KLHL1: variants seen among roughly 807,000 people sequenced by gnomAD.
KLHL1 encodes kelch like family member 1, also known as kelch-like protein 1.
KLHL1 carries 47 observed loss-of-function variants against 77.7 expected under a neutral mutation model. The ratio of observed to expected loss-of-function variants is 0.60; its 90% confidence interval spans 0.48 to 0.77. The LOEUF is 0.77. Ranked by LOEUF, KLHL1 falls within the 30% of genes least tolerant of loss-of-function variation. The pLI is 0.00. For missense variants in KLHL1, 925 were observed against 910.8 expected (o/e 1.02, Z -0.20); for synonymous variants, 360 against 325.2 (o/e 1.11, Z -1.15).
chr13:69,787,132 CTTT>C (rs1876596864), intron 7 of KLHL1, among the ~76,000 whole-genome samples: 2 of 152,118 alleles, frequency 1.3e-5, no homozygotes, highest in Non-Finnish European at 2.9e-5. Flanking sequence ...CTACCAGTGA[CTTT>C]CTTCACAGAA....
chr13:70,053,345 A>C (rs1473847451), intron 1 of KLHL1, among the ~76,000 whole-genome samples: 1 of 152,078 alleles, frequency 6.6e-6, no homozygotes, highest in East Asian at 1.9e-4. Flanking sequence ...TAGAGAGCAT[A>C]ATATGTGGCA....
rs201298175 is a variant in KLHL1 at position 69,814,850 on chromosome 13, A to C, written c.1415-17888T>G. On this transcript the variant is annotated intron_variant, in intron 6 of 10. Transcript: ENST00000377844. ...ACATGGTGAAACCCCGTCTCTACTA[A>C]AAATACAAAAATTAGCTGGGCGTGG... Among the ~76,000 whole-genome samples the C allele has an allele frequency of 4.3e-4, 66 of 152,122 alleles. No individual in the cohort carries two copies. In the East Asian group the frequency reaches 0.012, roughly 28 times the overall value.
At chr13:69,837,828 A>C (rs1879089433) in intron 6 of KLHL1, among the ~76,000 whole-genome samples, 1 of 151,320 alleles carries the variant, frequency 6.6e-6, no homozygotes, top group African/African-American at 2.4e-5. Context: ...TTCCTTCTTC[A>C]ATAATAGTAT....
In KLHL1 at chr13:69,871,937, A is replaced by G. The variant is rs181034530; in HGVS notation, c.1227+10346T>C. ...TTTTTAAGCCCTCCAAACTTTTCCA[A>G]TCTTTGCCCGTTACCCAGTGCCAAG... On this transcript the variant is annotated intron_variant, in intron 5 of 10. Transcript: ENST00000377844. 9.2e-5 allele frequency among the ~76,000 whole-genome samples: 14 copies of G among 152,022 alleles called. No homozygotes were observed. The East Asian group carries it at 2.5e-3, about 27-fold the overall frequency.
At chr13:70,066,892 C>T (rs1042626895) in intron 1 of KLHL1, among the ~76,000 whole-genome samples, 8 of 152,148 alleles carry the variant, frequency 5.3e-5, no homozygotes, top group Non-Finnish European at 1.2e-4. Context: ...AAATAATAAT[C>T]TATTTGCCTA....
chr13:70,060,243 T>C (rs1375796808), intron 1 of KLHL1, among the ~76,000 whole-genome samples: 6 of 152,152 alleles, frequency 3.9e-5, no homozygotes, highest in Admixed American at 3.9e-4. Flanking sequence ...AAAATGGTTT[T>C]TATCCAAAAT....
chr13:70,061,275 A>G (rs1486849749), intron 1 of KLHL1, among the ~76,000 whole-genome samples: 2 of 152,166 alleles, frequency 1.3e-5, no homozygotes, highest in Admixed American at 6.5e-5. Context: ...GTAGCTACAC[A>G]GGACTCACAA....
At chr13:69,738,197 C>T (rs1255695278) in intron 8 of KLHL1, among the ~76,000 whole-genome samples, 2 of 152,080 alleles carry the variant, frequency 1.3e-5, no homozygotes, top group Non-Finnish European at 2.9e-5. Context: ...AAAGCAACAA[C>T]GACAACATCA....
At chr13:69,867,389 A>G (rs7985162) in intron 5 of KLHL1, among the ~76,000 whole-genome samples, 49,718 of 151,860 alleles carry the variant, frequency 0.33, 8,647 homozygotes, top group African/African-American at 0.46. Flanking sequence ...CCCACAATCA[A>G]TATTTGTTTC....
intron 5 of KLHL1, among the ~76,000 whole-genome samples, chr13:69,853,844 C>T (rs181460379): frequency 1.2e-4 from 18 of 152,030 alleles, no homozygotes; most frequent in Admixed American, 1.1e-3. Context: ...GACATTACAT[C>T]TTCTTCAAAG....
chr13:69,974,052 G>T (rs1173438098), intron 2 of KLHL1, among the ~76,000 whole-genome samples: 3 of 151,874 alleles, frequency 2.0e-5, no homozygotes, highest in African/African-American at 7.3e-5. Context: ...ACAGCTTGTG[G>T]TCTCGTGCTA....
chr13:69,995,494 T>C (rs1289829774), intron 1 of KLHL1, among the ~76,000 whole-genome samples: 1 of 152,130 alleles, frequency 6.6e-6, no homozygotes, highest in Non-Finnish European at 1.5e-5. Context: ...TTAAATTAGT[T>C]CAGAAATTCA....
At position 69,701,764 on chromosome 13, in the gene KLHL1, G is replaced by A; in HGVS notation, c.2188-3C>T. ...CTCCCAATATTCAAGGAAGCCATCTGTTAAAAAAGATGAAACACAACTTAA... is the reference window on the plus strand; with the variant it reads ...CTCCCAATATTCAAGGAAGCCATCTATTAAAAAAGATGAAACACAACTTAA... On this transcript the variant is annotated splice_polypyrimidine_tract_variant and splice_region_variant and intron_variant, in intron 10 of 10. Coordinates refer to ENST00000377844, the MANE Select transcript of KLHL1 (RefSeq NM_020866.3). 2 of 1,600,914 alleles carry A rather than the reference G, an allele frequency of 1.2e-6. No homozygotes were observed. The highest frequency in any genetic ancestry group is 1.7e-6 in the Non-Finnish European group (2 of 1,172,032).
chr13:69,895,443 C>T (rs905544612), intron 4 of KLHL1, among the ~76,000 whole-genome samples: 9 of 152,122 alleles, frequency 5.9e-5, no homozygotes, highest in Admixed American at 2.0e-4. Context: ...TTAACAGAGC[C>T]ATTAAATAAC....
rs1479320013 is a variant in KLHL1, at chr13:69,724,389, T to C, written c.1803-4808A>G. Among the ~76,000 whole-genome samples, 4 of 152,126 alleles carry C rather than the reference T, an allele frequency of 2.6e-5. No homozygotes were observed. The East Asian group carries it at 7.7e-4, about 29-fold the overall frequency. On this transcript the variant is annotated intron_variant, in intron 8 of 10. Transcript: ENST00000377844. ...CTTTCTAAATTGACTGACACCTGTC[T>C]AAGAAATTTTGGGTTCACATCAGAA...
At chr13:70,028,995 T>C (rs1272714427) in intron 1 of KLHL1, among the ~76,000 whole-genome samples, 1 of 132,392 alleles carries the variant, frequency 7.6e-6, no homozygotes, top group Non-Finnish European at 1.7e-5. Flanking sequence ...AAAAAAAAAA[T>C]CACTATTCCT....
intron 7 of KLHL1, among the ~76,000 whole-genome samples, chr13:69,789,965 G>A (rs558426356): frequency 1.5e-4 from 23 of 152,110 alleles, no homozygotes; most frequent in African/African-American, 4.3e-4. Context: ...AGCATCCAGC[G>A]TCTTTCCATA....
chr13:69,988,761 C>G (rs1181372815), intron 1 of KLHL1, among the ~76,000 whole-genome samples: 3 of 151,890 alleles, frequency 2.0e-5, no homozygotes, highest in Non-Finnish European at 4.4e-5. Flanking sequence ...GTATGTCTTC[C>G]TTTGACAAGT....
At chr13:70,075,617 CATATATATATGTAT>C (rs1269377732) in intron 1 of KLHL1, among the ~76,000 whole-genome samples, 1 of 122,672 alleles carries the variant, frequency 8.2e-6, no homozygotes, top group Admixed American at 8.3e-5. Flanking sequence ...ATAGGACTTA[CATATATATATGTAT>C]ATATATATAG....
Sources: gnomAD v4.1 joint callset for allele counts (sites outside exome capture counted in the v4.1 genomes callset) on GRCh38, gnomAD v4.1.1 for gene constraint, MANE v1.5 for transcripts, NCBI Gene and HGNC (gene_info 2026-07-23, HGNC 2026-07-21) for gene names.